FRMPD2: variants seen among roughly 807,000 people sequenced by gnomAD.
FRMPD2 encodes FERM and PDZ domain containing 2.
Under a neutral mutation model 140.1 loss-of-function variants are expected in FRMPD2, and 96 were observed. That is an observed-to-expected ratio of 0.69 (90% CI 0.58 to 0.81). The LOEUF (loss-of-function observed/expected upper bound fraction) is 0.81, where lower values mean the gene tolerates loss of function less well. FRMPD2 is among the 40% of genes least tolerant of loss of function. FRMPD2 has a pLI of 0.00. For missense variants in FRMPD2, 1,240 were observed against 1,447.4 expected (o/e 0.86, Z 2.32); for synonymous variants, 449 against 547.6 (o/e 0.82, Z 2.52).
chr10:48,246,655 A>T (rs1192689722), intron 3 of FRMPD2, among the ~76,000 whole-genome samples: 1 of 152,206 alleles, frequency 6.6e-6, no homozygotes, highest in Admixed American at 6.5e-5. Context: ...TTTAGGGCAG[A>T]TGTTGGTCCA....
chr10:48,235,162 C>T (rs1267275765), intron 9 of FRMPD2, among the ~76,000 whole-genome samples: 2 of 152,144 alleles, frequency 1.3e-5, no homozygotes, highest in Non-Finnish European at 2.9e-5. Context: ...ACCCTGACAC[C>T]CCAGCCCCTC....
chr10:48,209,937 G>T (rs1184412329), intron 13 of FRMPD2, among the ~76,000 whole-genome samples: 1 of 152,116 alleles, frequency 6.6e-6, no homozygotes, highest in East Asian at 1.9e-4. Context: ...GTTTTCAAAT[G>T]TTTAGATCTA....
Position 48,223,141 on chromosome 10 carries a change from C to T in FRMPD2, c.1298G>A (p.Ser433Asn). The T allele has an allele frequency of 9.9e-6, 16 of 1,613,790 alleles. No homozygotes were observed. Among genetic ancestry groups the T allele is most frequent in the Non-Finnish European group, 1.2e-5 (14 of 1,179,794 alleles). ...TLFLRIKFFV[S>N]HYGLLQHSLT... ...CACTCACTGGAGCAGCCCATAGTGG[C>T]TGACAAAGAACTTTATCCTCAGGAA... Residue 433 changes from serine (S) to asparagine (N), a missense_variant, in exon 11 of 29, where the codon AGC becomes AAC. Ser to Asn is a conservative substitution (Grantham distance 46). Around this residue, in one of 6 missense-constraint regions of FRMPD2, gnomAD observed 1,161 missense variants for 1,055.9 expected, o/e 1.10. Coordinates refer to ENST00000374201, the MANE Select transcript of FRMPD2 (RefSeq NM_001018071.4).
chr10:48,251,818 G>A, intron 1 of FRMPD2, 127 bp from the exon 2 acceptor site: 1 of 1,086,236 alleles, frequency 9.2e-7, no homozygotes, highest in African/African-American at 1.6e-5. Flanking sequence ...TGTGTTTTCA[G>A]CACCTGGGTC....
chr10:48,238,248 C>A, intron 7 of FRMPD2, 125 bp from the exon 8 acceptor site: 2 of 967,066 alleles, frequency 2.1e-6, no homozygotes, highest in East Asian at 2.5e-5. Flanking sequence ...ACCTTCTCCC[C>A]CACCTATGGG....
At chr10:48,223,045 G>A (rs1839642603) in intron 11 of FRMPD2, 78 bp downstream of exon 11, 5 of 1,341,776 alleles carry the variant, frequency 3.7e-6, no homozygotes, top group African/African-American at 1.5e-5. Context: ...CAAAGCACTT[G>A]TCGATCCATT....
intron 14 of FRMPD2, among the ~76,000 whole-genome samples, chr10:48,205,209 T>C (rs1335812400): frequency 6.6e-6 from 1 of 152,228 alleles, no homozygotes. Flanking sequence ...AAATAAGTTA[T>C]TCATGCCAAG....
intron 15 of FRMPD2, among the ~76,000 whole-genome samples, chr10:48,195,651 A>G (rs1161149473): frequency 6.6e-6 from 1 of 152,256 alleles, no homozygotes; most frequent in Admixed American, 6.5e-5. Flanking sequence ...AAGAAATGAT[A>G]TAAAATATAG....
chr10:48,187,904 G>A (rs946970510), intron 16 of FRMPD2, among the ~76,000 whole-genome samples: 11 of 152,168 alleles, frequency 7.2e-5, no homozygotes, highest in African/African-American at 1.9e-4. Flanking sequence ...TGGCCCTGAC[G>A]GAATATGCCT....
At chr10:48,215,775 C>T (rs1367464401) in intron 12 of FRMPD2, among the ~76,000 whole-genome samples, 2 of 152,114 alleles carry the variant, frequency 1.3e-5, no homozygotes, top group East Asian at 1.9e-4. Context: ...AGGGTGAGAT[C>T]AGTCAGAAAC....
intron 28 of FRMPD2, among the ~76,000 whole-genome samples, chr10:48,160,372 C>T (rs181971274): frequency 6.6e-6 from 1 of 151,508 alleles, no homozygotes; most frequent in African/African-American, 2.4e-5. Context: ...AAGTTGCCAC[C>T]TGGCAGATGG....
intron 1 of FRMPD2, among the ~76,000 whole-genome samples, chr10:48,269,004 A>G (rs1483971735): frequency 6.6e-6 from 1 of 152,216 alleles, no homozygotes; most frequent in Non-Finnish European, 1.5e-5. Context: ...ACAGATTAGG[A>G]GAAAATATAT....
At chr10:48,218,532 A>G (rs116492712) in intron 12 of FRMPD2, among the ~76,000 whole-genome samples, 227 of 152,034 alleles carry the variant, frequency 1.5e-3, no homozygotes, top group African/African-American at 5.2e-3. Flanking sequence ...CCTGCCTCCT[A>G]GGGTGACCAT....
At chr10:48,193,842 C>A (rs1169151814) in intron 15 of FRMPD2, among the ~76,000 whole-genome samples, 4 of 151,970 alleles carry the variant, frequency 2.6e-5, no homozygotes, top group African/African-American at 4.8e-5. Flanking sequence ...TTCAAACAGA[C>A]CCCCCTCTCT....
intron 10 of FRMPD2, among the ~76,000 whole-genome samples, chr10:48,225,899 T>C (rs907857801): frequency 1.3e-5 from 2 of 152,194 alleles, no homozygotes; most frequent in Non-Finnish European, 2.9e-5. Flanking sequence ...GATCTGGTTT[T>C]ATAGGTCTGA....
intron 1 of FRMPD2, among the ~76,000 whole-genome samples, chr10:48,261,298 G>A (rs1291402110): frequency 6.6e-6 from 1 of 151,652 alleles, no homozygotes. Context: ...AGCTTGGAAA[G>A]CATCAAGCAA....
intron 5 of FRMPD2, 66 bp downstream of exon 5, chr10:48,242,095 A>C: frequency 9.0e-7 from 1 of 1,115,910 alleles, no homozygotes; most frequent in East Asian, 2.4e-5. Flanking sequence ...TAATATAACT[A>C]ATTCAAATTT....
At position 48,223,368 on chromosome 10, in the gene FRMPD2, G is replaced by A. The variant is rs865896385; in HGVS notation, c.1169-98C>T. ...AAGCCCTACCCAGAGTGTCACACAC[G>A]AGCTGGGTGAGTGCAGGAGTGGGAG... is the stretch of plus-strand genomic sequence containing the variant. On this transcript the variant is annotated intron_variant, in intron 10 of 28. Coordinates refer to ENST00000374201, the MANE Select transcript of FRMPD2 (RefSeq NM_001018071.4). 2.2e-5 allele frequency: 26 copies of A among 1,208,524 alleles called. No individual in the cohort carries two copies. In the Middle Eastern group the frequency reaches 8.3e-4, roughly 38 times the overall value. 74.9% of individuals were successfully genotyped at this position (1,208,524 alleles called of 1,614,324 possible).
rs756870663 is a variant in FRMPD2 at position 48,201,282 on chromosome 10, G to A, written c.1900C>T (p.Gln634Ter). Residue 634 changes from glutamine (Q) to a stop codon, truncating the protein, a stop_gained, in exon 15 of 29, where the codon CAG (glutamine) becomes TAG (stop). Transcript: ENST00000374201. LOFTEE classifies it high-confidence loss of function. ...SKYLLDLCSA[Q>*]HGFNAQMGSG... The stretch of plus-strand genomic sequence containing the variant: ...CCCATCTGTGCATTAAACCCATGCT[G>A]GGCTGAGCAGAGGTCCAGTAAGTAT... The A allele has an allele frequency of 6.2e-7, 1 of 1,613,834 alleles. No homozygotes were observed. Among genetic ancestry groups the A allele is most frequent in the South Asian group, 1.1e-5 (1 of 91,044 alleles).
Sources: allele counts gnomAD v4.1 joint callset (sites outside exome capture counted in the v4.1 genomes callset), GRCh38; gene constraint gnomAD v4.1.1; regional missense constraint gnomAD v4.1.1; transcripts MANE v1.5; gene names NCBI Gene and HGNC (gene_info 2026-07-23, HGNC 2026-07-21).